The following PRKN variants were observed in gnomAD, a reference collection of about 807,000 sequenced individuals.
PRKN encodes parkin RBR E3 ubiquitin protein ligase.
Under a neutral mutation model 59.5 loss-of-function variants are expected in PRKN, and 56 were observed. The ratio of observed to expected loss-of-function variants is 0.94; its 90% confidence interval spans 0.76 to 1.18. The LOEUF (loss-of-function observed/expected upper bound fraction) is 1.18. Among genes scored for constraint, PRKN ranks in the 50% most tolerant of loss-of-function variants. The pLI, the probability that PRKN is intolerant of heterozygous loss-of-function variation, is 0.00. For missense variants in PRKN, 657 were observed against 596.4 expected, an observed-to-expected ratio of 1.10 and a Z score of -1.06; for synonymous variants, 250 against 222.1, an observed-to-expected ratio of 1.13 and a Z score of -1.12.
At chr6:161,866,445 CAT>C (rs1794114473) in intron 6 of PRKN, among the ~76,000 whole-genome samples, 1 of 151,954 alleles carries the variant, frequency 6.6e-6, no homozygotes, top group Non-Finnish European at 1.5e-5. Flanking sequence ...CGTGGTGGCG[CAT>C]GCCTGTAGTC....
At chr6:161,747,408 T>TTC (rs920195913) in intron 7 of PRKN, among the ~76,000 whole-genome samples, 1 of 152,110 alleles carries the variant, frequency 6.6e-6, no homozygotes, top group Non-Finnish European at 1.5e-5. Flanking sequence ...TTTTTTTTTT[T>TTC]TCTCATCAGA....
At position 161,802,767 on chromosome 6, in the gene PRKN, G is replaced by A. The variant is rs139342074; in HGVS notation, c.735-16859C>T. Among the ~76,000 whole-genome samples the A allele has an allele frequency of 3.9e-5, 6 of 152,090 alleles. No homozygotes were observed. In the East Asian group the frequency reaches 5.8e-4, roughly 15 times the overall value. On this transcript the variant is annotated intron_variant, in intron 6 of 11. Coordinates refer to ENST00000366898, the MANE Select transcript of PRKN (RefSeq NM_004562.3). ...CTATAGTAGATTTGCCTTCTTACTC[G>A]CAATGCCTCAACCCTCCCTGTTCCC... is the stretch of plus-strand genomic sequence containing the variant.
intron 6 of PRKN, among the ~76,000 whole-genome samples, chr6:161,884,426 A>G (rs1363478412): frequency 6.6e-6 from 1 of 152,200 alleles, no homozygotes; most frequent in Admixed American, 6.5e-5. Context: ...TTCTACTATG[A>G]CATATTTAGC....
intron 11 of PRKN, 122 bp from the exon 12 acceptor site, chr6:161,350,333 A>AG (rs1267398532): frequency 1.3e-4 from 89 of 696,744 alleles, no homozygotes; most frequent in Admixed American, 1.9e-4. Context: ...AAGCAATACA[A>AG]GGGCAGAGAG....
intron 6 of PRKN, among the ~76,000 whole-genome samples, chr6:161,821,818 G>A (rs535552023): frequency 2.1e-4 from 27 of 129,908 alleles, no homozygotes; most frequent in South Asian, 1.2e-3. Flanking sequence ...GTGCAATCTC[G>A]GCTCACTGCA....
chr6:161,837,160 C>A (rs542164418), intron 6 of PRKN, among the ~76,000 whole-genome samples: 2 of 152,138 alleles, frequency 1.3e-5, no homozygotes, highest in African/African-American at 4.8e-5. Context: ...CTCCTCCCCC[C>A]TCATCAATGC....
intron 1 of PRKN, among the ~76,000 whole-genome samples, chr6:162,666,221 T>C (rs992967302): frequency 2.0e-5 from 3 of 152,168 alleles, no homozygotes; most frequent in Non-Finnish European, 4.4e-5. Context: ...TCATGTGAGA[T>C]ACACTGTGGT....
chr6:161,376,651 C>A lies in PRKN; in HGVS notation c.1167+10143G>T, dbSNP rs554433335. Reference sequence around the variant, plus strand: ...CTGAGGTCACACCGTCACATCACGGCGATAGGGCAGCTCACGCCCAGTGGT... The same window carrying A: ...CTGAGGTCACACCGTCACATCACGGAGATAGGGCAGCTCACGCCCAGTGGT... On this transcript the variant is annotated intron_variant, in intron 10 of 11. Transcript: ENST00000366898. The surrounding 1 kb of genome is among the most constrained non-coding windows in gnomAD (Gnocchi z 7.3). Among the ~76,000 whole-genome samples the A allele has an allele frequency of 1.3e-5, 2 of 152,128 alleles. No individual in the cohort carries two copies. Among genetic ancestry groups the A allele is most frequent in the Non-Finnish European group, 2.9e-5 (2 of 68,022 alleles).
chr6:161,611,561 T>C (rs9458318), intron 7 of PRKN, among the ~76,000 whole-genome samples: 1,563 of 152,326 alleles, frequency 0.01, 40 homozygotes, highest in African/African-American at 0.034. Context: ...GGGAGCACCA[T>C]GAAATGTGCC....
At chr6:161,570,124 T>TAAAAA (rs55699586) in intron 7 of PRKN, among the ~76,000 whole-genome samples, 8 of 51,416 alleles carry the variant, frequency 1.6e-4, no homozygotes, top group East Asian at 6.4e-4. Flanking sequence ...AGTAAATAGG[T>TAAAAA]AAAAAAAAAA....
Position 161,442,033 on chromosome 6 carries a change from C to T in PRKN, c.1084-55156G>A, listed in dbSNP as rs190232420. ...GTTTTCACTTCAGAAGTTATAGAGA[C>T]GATGTAAGATGAAATACTGTTCAGT... On this transcript the variant is annotated intron_variant, in intron 9 of 11. Transcript: ENST00000366898. This position sits in a 1 kb window ranked among gnomAD's most constrained non-coding sequence, Gnocchi z 4.6. Among the ~76,000 whole-genome samples, 8 of 152,276 alleles carry T rather than the reference C, an allele frequency of 5.3e-5. No homozygotes were observed. In the East Asian group the frequency reaches 9.7e-4, roughly 18 times the overall value.
chr6:161,479,637 A>C (rs894997922), intron 9 of PRKN, among the ~76,000 whole-genome samples: 4 of 152,222 alleles, frequency 2.6e-5, no homozygotes, highest in Non-Finnish European at 5.9e-5. Flanking sequence ...AGTCAAGGGA[A>C]TCTTGAACTT....
intron 1 of PRKN, among the ~76,000 whole-genome samples, chr6:162,444,737 C>T (rs4709609): frequency 0.062 from 9,405 of 152,136 alleles, 743 homozygotes; most frequent in East Asian, 0.42. Flanking sequence ...GGATAGCACA[C>T]GGGTTAAAAG....
intron 1 of PRKN, among the ~76,000 whole-genome samples, chr6:162,604,465 C>T (rs1281033250): frequency 6.6e-6 from 1 of 152,166 alleles, no homozygotes; most frequent in Non-Finnish European, 1.5e-5. Flanking sequence ...GCAGACTCTT[C>T]GTAAAGCCAG....
chr6:162,249,015 A>G (rs1053190708), intron 3 of PRKN, among the ~76,000 whole-genome samples: 9 of 151,800 alleles, frequency 5.9e-5, no homozygotes, highest in African/African-American at 1.9e-4. Context: ...AGTACCTGGG[A>G]CTACAGGTGC....
rs1781965315 is a variant in PRKN at position 162,607,447 on chromosome 6, AG to A, written c.7+120214del. On this transcript the variant is annotated intron_variant, in intron 1 of 11. Coordinates refer to ENST00000366898, the MANE Select transcript of PRKN (RefSeq NM_004562.3). ...ATATTAGGTGGAGACAAAGCAAGTG[AG>A]ACCAGAAGCACAACTTTACCCATTC... 2.0e-5 allele frequency among the ~76,000 whole-genome samples: 3 copies of A among 152,258 alleles called. No homozygotes were observed. The South Asian group carries it at 6.2e-4, about 32-fold the overall frequency.
At position 162,434,958 on chromosome 6, in the gene PRKN, T is replaced by G. The variant is rs114886830; in HGVS notation, c.171+8352A>C. 5.1e-3 allele frequency among the ~76,000 whole-genome samples: 780 copies of G among 152,320 alleles called. 6 individuals carry two copies. Among genetic ancestry groups the G allele is most frequent in the African/African-American group, 0.018 (747 of 41,578 alleles). On this transcript the variant is annotated intron_variant, in intron 2 of 11. Transcript: ENST00000366898. Reference sequence around the variant, plus strand: ...TTTGGGTTCAGAGCTTTTGGGTGTATAGACACAACCTCTCATTTCTTAAAT... The same window carrying G: ...TTTGGGTTCAGAGCTTTTGGGTGTAGAGACACAACCTCTCATTTCTTAAAT...
intron 7 of PRKN, among the ~76,000 whole-genome samples, chr6:161,720,030 G>A (rs780120472): frequency 6.6e-6 from 1 of 152,252 alleles, no homozygotes; most frequent in Non-Finnish European, 1.5e-5. Context: ...AGTTTTCCGT[G>A]GTTCTGCTTC....
intron 1 of PRKN, among the ~76,000 whole-genome samples, chr6:162,723,637 T>A (rs2128241149): frequency 6.6e-6 from 1 of 152,316 alleles, no homozygotes; most frequent in South Asian, 2.1e-4. Flanking sequence ...GGCAACTTAT[T>A]TTGGAAAAAT....
Sources: gnomAD v4.1 joint callset for allele counts (sites outside exome capture counted in the v4.1 genomes callset) on GRCh38, gnomAD v4.1.1 for gene constraint, Gnocchi (gnomAD v3.1) non-coding constraint, MANE v1.5 for transcripts, NCBI Gene and HGNC (gene_info 2026-07-23, HGNC 2026-07-21) for gene names.